The following PAK4 variants were observed in gnomAD, a reference collection of about 807,000 sequenced individuals.
PAK4 encodes the protein serine/threonine-protein kinase PAK 4.
In PAK4, 49 loss-of-function variants were observed where a neutral mutation model predicts 53.5. That is an observed-to-expected ratio of 0.92 (90% CI 0.73 to 1.16). The LOEUF is 1.16. Ranked by LOEUF, PAK4 falls within the 50% of genes most tolerant of loss-of-function variation. The pLI is 0.00. For missense variants in PAK4, 824 were observed against 850.7 expected (o/e 0.97, Z 0.39); for synonymous variants, 376 against 375.6 (o/e 1.00, Z -0.01).
At chr19:39,157,466 C>T (rs1012756209) in intron 1 of PAK4, among the ~76,000 whole-genome samples, 1 of 152,102 alleles carries the variant, frequency 6.6e-6, no homozygotes, top group African/African-American at 2.4e-5. Context: ...TTCTGGGGCC[C>T]ATGTGCAGGC....
Position 39,135,399 on chromosome 19 carries a change from G to A in PAK4, c.-23+9480G>A, listed in dbSNP as rs896400860. Among the ~76,000 whole-genome samples, 287 of 136,752 alleles carry A rather than the reference G, an allele frequency of 2.1e-3. 3 individuals carry two copies. Among genetic ancestry groups the A allele is most frequent in the Non-Finnish European group, 9.6e-4 (63 of 65,724 alleles). The allele number at this position is 136,752 out of a possible 152,430, so 89.7% of individuals were successfully genotyped here. ...CACCAGGGCTGGAGTGCAGCAGCGC[G>A]ATCTCAGCTCACTGCAACCTCCGCT... On this transcript the variant is annotated intron_variant, in intron 1 of 8. Coordinates refer to ENST00000358301, the Ensembl canonical transcript of PAK4.
In PAK4 at chr19:39,161,146, G is replaced by C. The variant is rs1176205852; in HGVS notation, c.-22-8386G>C. Among the ~76,000 whole-genome samples the C allele has an allele frequency of 3.3e-5, 5 of 152,244 alleles. No individual in the cohort carries two copies. Among genetic ancestry groups the C allele is most frequent in the Admixed American group, 3.3e-4 (5 of 15,292 alleles). ...TGTGTGCCTGGCACAGCCTGGGCAA[G>C]TCCACAGCCACGAAGGGGAGCCCTT... On this transcript the variant is annotated intron_variant, in intron 1 of 8. Transcript: ENST00000358301. This position sits in a 1 kb window ranked among gnomAD's most constrained non-coding sequence, Gnocchi z 4.5.
At chr19:39,144,110 A>G (rs1350700013) in intron 1 of PAK4, among the ~76,000 whole-genome samples, 1 of 99,568 alleles carries the variant, frequency 1.0e-5, no homozygotes. Context: ...ATAGATAGAT[A>G]GATAGATAGA....
intron 1 of PAK4, among the ~76,000 whole-genome samples, chr19:39,160,876 C>T (rs970747701): frequency 6.6e-6 from 1 of 152,262 alleles, no homozygotes; most frequent in South Asian, 2.1e-4. Flanking sequence ...TCCCATAAAC[C>T]TCCAAGGTCC....
rs1370829567 is a variant in PAK4 at position 39,145,258 on chromosome 19, G to A, written c.-23+19339G>A. On this transcript the variant is annotated intron_variant, in intron 1 of 8. Transcript: ENST00000358301. ...AGGTGCCTCCCCCAGGGCCCCAGGC[G>A]TCGCTGGCCCTGCGTCTGCTTCCCT... 3.3e-5 allele frequency among the ~76,000 whole-genome samples: 5 copies of A among 152,096 alleles called. No individual in the cohort carries two copies. In the East Asian group the frequency reaches 5.8e-4, roughly 18 times the overall value.
chr19:39,126,955 A>T (rs922333814), intron 1 of PAK4, among the ~76,000 whole-genome samples: 1 of 152,048 alleles, frequency 6.6e-6, no homozygotes, highest in African/African-American at 2.4e-5. Context: ...TGGTCGCCAC[A>T]TTGTCCGCTG....
chr19:39,148,777 G>A (rs1218189515), intron 1 of PAK4, among the ~76,000 whole-genome samples: 3 of 151,558 alleles, frequency 2.0e-5, no homozygotes, highest in Non-Finnish European at 2.9e-5. Flanking sequence ...TTCCATAAAA[G>A]TTTGATAGTT....
At chr19:39,159,798 C>T (rs1013235904) in intron 1 of PAK4, among the ~76,000 whole-genome samples, 11 of 152,214 alleles carry the variant, frequency 7.2e-5, no homozygotes, top group African/African-American at 1.4e-4. Flanking sequence ...GGCCTGGTGG[C>T]GGGGACGGCG....
Position 39,176,437 on chromosome 19 carries a change from C to G in PAK4, c.1360-153C>G, listed in dbSNP as rs2074606450. The G allele has an allele frequency of 3.0e-6, 3 of 985,680 alleles. No individual in the cohort carries two copies. In the Admixed American group the frequency reaches 6.3e-5, roughly 21 times the overall value. 61.1% of individuals were successfully genotyped at this position (985,680 alleles called of 1,614,324 possible). A position where few individuals can be genotyped will look rare whatever the true frequency, so the allele number is the denominator to read the frequency against. On this transcript the variant is annotated intron_variant, in intron 6 of 8. Transcript: ENST00000358301. ...GGAGGTGGTGGAGCTCCCCATTGGT[C>G]TGGCTCTAGACCCCAGCTCTGACCC...
At chr19:39,140,075 T>C (rs958173550) in intron 1 of PAK4, among the ~76,000 whole-genome samples, 1 of 152,168 alleles carries the variant, frequency 6.6e-6, no homozygotes, top group Non-Finnish European at 1.5e-5. Flanking sequence ...CACTGTCTTA[T>C]CTTCCCATTT....
In PAK4 at chr19:39,178,293, C is replaced by A; in HGVS notation, c.1621-131C>A. The A allele has an allele frequency of 1.1e-6, 1 of 882,588 alleles. No homozygotes were observed. Among genetic ancestry groups the A allele is most frequent in the Non-Finnish European group, 1.7e-6 (1 of 586,126 alleles). The allele number at this position is 882,588 out of a possible 1,614,324, so 54.7% of individuals were successfully genotyped here. A position where few individuals can be genotyped will look rare whatever the true frequency, so the allele number is the denominator to read the frequency against. On this transcript the variant is annotated intron_variant, in intron 8 of 8. Coordinates refer to ENST00000358301, the Ensembl canonical transcript of PAK4. This position sits in a 1 kb window ranked among gnomAD's most constrained non-coding sequence, Gnocchi z 4.4. The stretch of plus-strand genomic sequence containing the variant: ...GTCTACACCCCAAGATCTAGACACC[C>A]ATGACCTCCGCCCCCTGCCCTCCTG...
chr19:39,136,819 G>T (rs535754238), intron 1 of PAK4, among the ~76,000 whole-genome samples: 1 of 152,332 alleles, frequency 6.6e-6, no homozygotes, highest in South Asian at 2.1e-4. Flanking sequence ...GTCTAATGGG[G>T]ACCCGCCCTG....
rs780369572 is a variant in PAK4 at position 39,178,536 on chromosome 19, C to G, written c.1733C>G (p.Pro578Arg). 7 of 1,610,794 alleles carry G rather than the reference C, an allele frequency of 4.3e-6. No homozygotes were observed. The highest frequency in any genetic ancestry group is 5.9e-6 in the Non-Finnish European group (7 of 1,178,938). Residue 578 changes from proline to arginine, a missense_variant, in exon 9 of 9, where the codon CCT (proline) becomes CGT (arginine). Physicochemically the swap from Pro to Arg is moderately radical, Grantham distance 103 (BLOSUM62 -2). This residue lies in a region of PAK4 where 346 missense variants were observed against 415.0 expected (regional missense o/e 0.83). Coordinates refer to ENST00000358301, the Ensembl canonical transcript of PAK4. The surrounding 1 kb of genome is among the most constrained non-coding windows in gnomAD (Gnocchi z 4.4). ...CCATTCCTGGCCAAGGCAGGGCCGC[C>G]TGCCAGCATCGTGCCCCTCATGCGC...
chr19:39,146,892 AG>A (rs2074007753), intron 1 of PAK4, among the ~76,000 whole-genome samples: 3 of 149,258 alleles, frequency 2.0e-5, no homozygotes, highest in African/African-American at 4.9e-5. Flanking sequence ...AGGGAGGGAG[AG>A]GGGGGAAGGA....
intron 1 of PAK4, among the ~76,000 whole-genome samples, chr19:39,152,853 C>T (rs2074115486): frequency 6.6e-6 from 1 of 152,104 alleles, no homozygotes; most frequent in African/African-American, 2.4e-5. Flanking sequence ...CCCTGGGTAT[C>T]ATGGGCCCTC....
At chr19:39,176,660 G>A (rs1405100317) in exon 7 of PAK4, 5 of 1,613,164 alleles carry the variant, frequency 3.1e-6, no homozygotes, top group Non-Finnish European at 3.4e-6. Context: ...TCGCTGGTCG[G>A]CACGCCCTAC....
Position 39,173,419 on chromosome 19 carries a change from G to A in PAK4, c.663+43G>A, listed in dbSNP as rs747181051. ...CCAGGGCCCCCACTGTCCCCTGCCCGTTGCTCCTCTGTCCCCACCTTCCAG... is the reference window on the plus strand; with the variant it reads ...CCAGGGCCCCCACTGTCCCCTGCCCATTGCTCCTCTGTCCCCACCTTCCAG... On this transcript the variant is annotated intron_variant, in intron 3 of 8. Coordinates refer to ENST00000358301, the Ensembl canonical transcript of PAK4. The surrounding 1 kb of genome is among the most constrained non-coding windows in gnomAD (Gnocchi z 6.9). 3.5e-5 allele frequency: 50 copies of A among 1,418,970 alleles called. No individual in the cohort carries two copies. Among genetic ancestry groups the A allele is most frequent in the South Asian group, 1.1e-4 (8 of 69,898 alleles). The allele number at this position is 1,418,970 out of a possible 1,614,324, so 87.9% of individuals were successfully genotyped here. A position where few individuals can be genotyped will look rare whatever the true frequency, so the allele number is the denominator to read the frequency against.
intron 1 of PAK4, among the ~76,000 whole-genome samples, chr19:39,141,508 G>A (rs1181495722): frequency 6.6e-6 from 1 of 151,874 alleles, no homozygotes; most frequent in Non-Finnish European, 1.5e-5. Context: ...TAGAGATGGA[G>A]TCTCACCATA....
chr19:39,135,662 C>T (rs942340259), intron 1 of PAK4, among the ~76,000 whole-genome samples: 4 of 151,982 alleles, frequency 2.6e-5, no homozygotes, highest in Middle Eastern at 3.2e-3. Context: ...ACCAGCTTTG[C>T]GCTGGGGCCC....
Sources: allele counts gnomAD v4.1 joint callset (sites outside exome capture counted in the v4.1 genomes callset), GRCh38; gene constraint gnomAD v4.1.1; regional missense constraint gnomAD v4.1.1; non-coding constraint Gnocchi (gnomAD v3.1); transcripts MANE v1.5; gene names NCBI Gene and HGNC (gene_info 2026-07-23, HGNC 2026-07-21).